PARD3: variants seen among roughly 807,000 people sequenced by gnomAD.
PARD3 encodes the protein par-3 family cell polarity regulator, also known as partitioning defective 3 homolog.
Under a neutral mutation model 155.4 loss-of-function variants are expected in PARD3, and 75 were observed. The ratio of observed to expected loss-of-function variants is 0.48; its 90% CI spans 0.40 to 0.58. The LOEUF is 0.58. Ranked by LOEUF, PARD3 falls within the 20% of genes least tolerant of loss-of-function variation. The probability of loss-of-function intolerance (pLI) is 0.00; values close to 1 mark genes in which losing one functional copy is unlikely to be tolerated. For missense variants in PARD3, 1,642 were observed against 1,721.7 expected (o/e 0.95, Z 0.82); for synonymous variants, 576 against 610.5 (o/e 0.94, Z 0.83).
intron 2 of PARD3, among the ~76,000 whole-genome samples, chr10:34,579,096 C>G (rs1273559344): frequency 6.6e-6 from 1 of 152,014 alleles, no homozygotes; most frequent in Non-Finnish European, 1.5e-5. Context: ...ATGGTGAAAC[C>G]CCATCTCTAC....
chr10:34,496,761 G>A (rs900217476), intron 3 of PARD3, among the ~76,000 whole-genome samples: 8 of 152,184 alleles, frequency 5.3e-5, no homozygotes, highest in African/African-American at 1.7e-4. Context: ...AATGTAAGGT[G>A]TGGATTTCGT....
intron 2 of PARD3, among the ~76,000 whole-genome samples, chr10:34,607,334 A>T (rs1344634112): frequency 6.6e-6 from 1 of 152,226 alleles, no homozygotes; most frequent in Non-Finnish European, 1.5e-5. Flanking sequence ...TTTCACAGAC[A>T]TATCAGAAAT....
chr10:34,281,191 C>A (rs1307083970), intron 21 of PARD3, among the ~76,000 whole-genome samples: 1 of 152,110 alleles, frequency 6.6e-6, no homozygotes, highest in Non-Finnish European at 1.5e-5. Context: ...CTAAACCTTT[C>A]ATGTGGTGGA....
chr10:34,515,936 T>C (rs1055824643), intron 3 of PARD3, among the ~76,000 whole-genome samples: 7 of 151,616 alleles, frequency 4.6e-5, no homozygotes, highest in Non-Finnish European at 8.8e-5. Flanking sequence ...AAAACTGAAG[T>C]GTTTCCAAAT....
chr10:34,124,432 T>C (rs1947168530), intron 23 of PARD3, among the ~76,000 whole-genome samples: 1 of 152,206 alleles, frequency 6.6e-6, no homozygotes, highest in African/African-American at 2.4e-5. Flanking sequence ...CATTAAATCA[T>C]GTGAAGAGTG....
At chr10:34,619,910 C>T (rs921156370) in intron 2 of PARD3, among the ~76,000 whole-genome samples, 3 of 152,134 alleles carry the variant, frequency 2.0e-5, no homozygotes, top group Admixed American at 6.6e-5. Context: ...AAGCTTACCT[C>T]TCTCTGTTTC....
intron 1 of PARD3, among the ~76,000 whole-genome samples, chr10:34,705,780 G>A (rs553523992): frequency 6.6e-6 from 1 of 152,266 alleles, no homozygotes; most frequent in South Asian, 2.1e-4. Context: ...ACACAAGACA[G>A]AGCAAACCAC....
chr10:34,634,889 T>C (rs2092411156), intron 2 of PARD3, among the ~76,000 whole-genome samples: 1 of 152,048 alleles, frequency 6.6e-6, no homozygotes, highest in Non-Finnish European at 1.5e-5. Context: ...AATCTGAACA[T>C]GAATGAGGTG....
At chr10:34,487,773 A>T (rs535500983) in intron 3 of PARD3, among the ~76,000 whole-genome samples, 1 of 152,274 alleles carries the variant, frequency 6.6e-6, no homozygotes, top group South Asian at 2.1e-4. Context: ...ATCTGCACCA[A>T]ATTCCTCATA....
Position 34,341,761 on chromosome 10 carries a change from T to C in PARD3, c.2274A>G (p.Ile758Met), listed in dbSNP as rs751077493. The change falls in exon 16 of 25, where the codon ATA becomes ATG. Residue 758 changes from isoleucine (I) to methionine (M), a missense_variant. Coordinates refer to ENST00000374788, the MANE Select transcript of PARD3 (RefSeq NM_001184785.2). ...GAAGCACTGGCAACCTGTCATCTTC[T>C]ATAATGACAGTGTCATCTTGGGGCA... is the stretch of plus-strand genomic sequence containing the variant. Reference protein sequence around the residue: ...VNMPQDDTVIIEDDRLPVLPP... With the variant: ...VNMPQDDTVIMEDDRLPVLPP... 1 of 1,611,962 alleles carries C rather than the reference T, an allele frequency of 6.2e-7. No homozygotes were observed. Among genetic ancestry groups the C allele is most frequent in the South Asian group, 1.1e-5 (1 of 91,054 alleles).
At chr10:34,627,278 A>G (rs2092025105) in intron 2 of PARD3, among the ~76,000 whole-genome samples, 2 of 152,104 alleles carry the variant, frequency 1.3e-5, no homozygotes, top group Admixed American at 1.3e-4. Context: ...TTCTCCTGCC[A>G]TGACCTCCCG....
intron 1 of PARD3, among the ~76,000 whole-genome samples, chr10:34,723,706 T>C (rs2133753488): frequency 6.6e-6 from 1 of 152,322 alleles, no homozygotes; most frequent in South Asian, 2.1e-4. Flanking sequence ...AAAAGCTCAA[T>C]CACTTCATAA....
intron 22 of PARD3, among the ~76,000 whole-genome samples, chr10:34,213,531 C>T (rs180877119): frequency 4.1e-4 from 62 of 152,296 alleles, no homozygotes; most frequent in Admixed American, 3.2e-3. Context: ...TCTTACATTC[C>T]ACTCAGGCCT....
intron 14 of PARD3, 122 bp downstream of exon 14, chr10:34,359,025 G>T: frequency 1.5e-6 from 1 of 660,222 alleles, no homozygotes; most frequent in Non-Finnish European, 2.6e-6. Flanking sequence ...ACTACAATAA[G>T]CAAAGATAAT....
At chr10:34,558,641 A>C (rs2085206053) in intron 2 of PARD3, among the ~76,000 whole-genome samples, 4 of 152,164 alleles carry the variant, frequency 2.6e-5, no homozygotes, top group Admixed American at 2.6e-4. Context: ...ACATAAATGC[A>C]CACTGCCGGC....
chr10:34,473,404 A>G (rs1222569957), intron 3 of PARD3, among the ~76,000 whole-genome samples: 1 of 152,114 alleles, frequency 6.6e-6, no homozygotes, highest in Non-Finnish European at 1.5e-5. Flanking sequence ...CAAGTCAACG[A>G]GGCCAGGTGC....
chr10:34,229,105 A>C (rs1952775593), intron 22 of PARD3, among the ~76,000 whole-genome samples: 1 of 152,050 alleles, frequency 6.6e-6, no homozygotes, highest in African/African-American at 2.4e-5. Context: ...CTCAGTCCTC[A>C]CAACAGCCAC....
chr10:34,771,451 T>A (rs755454916), intron 1 of PARD3, among the ~76,000 whole-genome samples: 1 of 152,228 alleles, frequency 6.6e-6, no homozygotes, highest in Non-Finnish European at 1.5e-5. Context: ...GAAGGCTGGC[T>A]ACAGTTATTA....
chr10:34,652,396 C>T (rs1227528551), intron 2 of PARD3, among the ~76,000 whole-genome samples: 2 of 152,172 alleles, frequency 1.3e-5, no homozygotes, highest in African/African-American at 4.8e-5. Context: ...AGGGGTCTTA[C>T]TTTCTTAGGC....
Sources: allele counts gnomAD v4.1 joint callset (sites outside exome capture counted in the v4.1 genomes callset), GRCh38; gene constraint gnomAD v4.1.1; transcripts MANE v1.5; gene names NCBI Gene and HGNC (gene_info 2026-07-23, HGNC 2026-07-21).